Variants in RAPGEF1 observed in about 807,000 individuals in gnomAD.
RAPGEF1 encodes the protein Rap guanine nucleotide exchange factor 1.
Under a neutral mutation model 143.3 loss-of-function variants are expected in RAPGEF1, and 33 were observed. The observed-to-expected ratio is 0.23, with a 90% CI of 0.17 to 0.31. The LOEUF (loss-of-function observed/expected upper bound fraction) is 0.31. Among genes scored for constraint, RAPGEF1 ranks in the 10% least tolerant of loss-of-function variants. The probability of loss-of-function intolerance (pLI) is 1.00; values close to 1 mark genes in which losing one functional copy is unlikely to be tolerated. For synonymous variants in RAPGEF1, 629 were observed against 676.5 expected (o/e 0.93, Z 1.09); for missense variants, 1,199 against 1,645.4 (o/e 0.73, Z 4.69).
At chr9:131,682,512 C>A (rs752509088) in intron 1 of RAPGEF1, among the ~76,000 whole-genome samples, 1 of 152,182 alleles carries the variant, frequency 6.6e-6, no homozygotes, top group Non-Finnish European at 1.5e-5. Flanking sequence ...ATGATTACTT[C>A]TAGGAAGGTC....
intron 1 of RAPGEF1, among the ~76,000 whole-genome samples, chr9:131,659,224 T>C (rs1973338840): frequency 6.6e-6 from 1 of 152,218 alleles, no homozygotes; most frequent in Non-Finnish European, 1.5e-5. Flanking sequence ...GGATTTCCAA[T>C]TTTTTAAAAG....
chr9:131,581,841 C>T (rs1203218341), intron 25 of RAPGEF1, among the ~76,000 whole-genome samples: 2 of 152,194 alleles, frequency 1.3e-5, no homozygotes, highest in African/African-American at 4.8e-5. Context: ...AGATGTAGAG[C>T]CACAGTGGGA....
chr9:131,579,694 G>T, intron 26 of RAPGEF1, 47 bp from the exon 27 acceptor site: 1 of 1,586,830 alleles, frequency 6.3e-7, no homozygotes, highest in South Asian at 1.1e-5. Context: ...GTGTGGGCTG[G>T]ATGGCCCGAT....
At chr9:131,600,064 C>T (rs1209043424) in intron 15 of RAPGEF1, among the ~76,000 whole-genome samples, 8 of 151,746 alleles carry the variant, frequency 5.3e-5, no homozygotes, top group South Asian at 2.1e-4. Context: ...TGCAGTGAGC[C>T]GAGATCGCAC....
chr9:131,594,738 G>A (rs527417054), intron 17 of RAPGEF1, among the ~76,000 whole-genome samples: 2 of 152,288 alleles, frequency 1.3e-5, no homozygotes, highest in East Asian at 3.9e-4. Flanking sequence ...AGCTCCCACC[G>A]GCACGGAGCG....
At position 131,602,247 on chromosome 9, in the gene RAPGEF1, A is replaced by C. The variant is rs374833656; in HGVS notation, c.2413-98T>G. ...TGCCTGCAAGTGGCTGTGGAGTGCA[A>C]GTTCCTATGGAGCAATCTCAGATGT... On this transcript the variant is annotated intron_variant, in intron 14 of 26. Coordinates refer to ENST00000683357, the MANE Select transcript of RAPGEF1 (RefSeq NM_001377935.1). 2.5e-5 allele frequency: 20 copies of C among 792,422 alleles called. No individual in the cohort carries two copies. In the East Asian group the frequency reaches 5.1e-4, roughly 20 times the overall value. The allele number at this position is 792,422 out of a possible 1,614,324, so 49.1% of individuals were successfully genotyped here.
intron 16 of RAPGEF1, among the ~76,000 whole-genome samples, chr9:131,597,087 G>A (rs1435240371): frequency 6.6e-6 from 1 of 152,194 alleles, no homozygotes; most frequent in Non-Finnish European, 1.5e-5. Flanking sequence ...AGGAACAGAG[G>A]TCCAGGACAA....
At chr9:131,630,139 C>A (rs1964437221) in intron 6 of RAPGEF1, 97 bp downstream of exon 6, 1 of 1,124,824 alleles carries the variant, frequency 8.9e-7, no homozygotes, top group Non-Finnish European at 1.3e-6. Flanking sequence ...CAGCAGCCCA[C>A]CCTCATGCTG....
chr9:131,603,901 G>A, intron 14 of RAPGEF1, 60 bp downstream of exon 14: 1 of 1,092,068 alleles, frequency 9.2e-7, no homozygotes, highest in Non-Finnish European at 1.2e-6. Context: ...GCCTCGGGAG[G>A]GCAGAGCCCA....
chr9:131,648,429 A>G (rs980704828), intron 3 of RAPGEF1, among the ~76,000 whole-genome samples: 1 of 152,108 alleles, frequency 6.6e-6, no homozygotes, highest in Admixed American at 6.6e-5. Context: ...CAAAAACAAC[A>G]AAAAGGGGGG....
chr9:131,713,719 G>A (rs114375457), intron 1 of RAPGEF1, among the ~76,000 whole-genome samples: 1 of 152,264 alleles, frequency 6.6e-6, no homozygotes, highest in African/African-American at 2.4e-5. Flanking sequence ...AGCCCAGGAG[G>A]TCAAGACTGC....
At chr9:131,724,759 T>C (rs1023124778) in intron 1 of RAPGEF1, among the ~76,000 whole-genome samples, 1 of 150,842 alleles carries the variant, frequency 6.6e-6, no homozygotes, top group African/African-American at 2.5e-5. Flanking sequence ...TACTGAAATC[T>C]GCCACAGGAA....
chr9:131,617,442 G>A (rs922146375), intron 12 of RAPGEF1, among the ~76,000 whole-genome samples: 7 of 152,228 alleles, frequency 4.6e-5, no homozygotes, highest in East Asian at 1.9e-4. Flanking sequence ...CATCTTGGTC[G>A]AAGGCACTGG....
Position 131,604,067 on chromosome 9 carries a change from G to A in RAPGEF1, c.2320-14C>T, listed in dbSNP as rs759792863. On this transcript the variant is annotated splice_polypyrimidine_tract_variant and intron_variant, in intron 13 of 26. Coordinates refer to ENST00000683357, the MANE Select transcript of RAPGEF1 (RefSeq NM_001377935.1). ...GGCGTTTTCACTCTGGGGGAGACAG[G>A]ACGAGAGGAAAGACACATGGGCCAG... 25 of 1,311,140 alleles carry A rather than the reference G, an allele frequency of 1.9e-5. No individual in the cohort carries two copies. Among genetic ancestry groups the A allele is most frequent in the African/African-American group, 3.0e-5 (2 of 66,448 alleles). 81.2% of individuals were successfully genotyped at this position (1,311,140 alleles called of 1,614,324 possible).
At position 131,628,474 on chromosome 9, in the gene RAPGEF1, C is replaced by G; in HGVS notation, c.1017+75G>C. 6.4e-7 allele frequency: 1 copy of G among 1,562,456 alleles called. No homozygotes were observed. Among genetic ancestry groups the G allele is most frequent in the Non-Finnish European group, 8.7e-7 (1 of 1,149,116 alleles). On this transcript the variant is annotated intron_variant, in intron 8 of 26. Coordinates refer to ENST00000683357, the MANE Select transcript of RAPGEF1 (RefSeq NM_001377935.1). The surrounding 1 kb of genome is among the most constrained non-coding windows in gnomAD (Gnocchi z 5.7). ...GCGCCTGAAGACCATGGGTTTCTTT[C>G]AGCTTCAGGAGCCACATCCCTGAGC...
Position 131,580,396 on chromosome 9 carries a change from G to C in RAPGEF1, c.3513-5C>G. On this transcript the variant is annotated splice_polypyrimidine_tract_variant and splice_region_variant and intron_variant, in intron 25 of 26. Coordinates refer to ENST00000683357, the MANE Select transcript of RAPGEF1 (RefSeq NM_001377935.1). The stretch of plus-strand genomic sequence containing the variant: ...AGGTCCTGCAGGATCAGCCCCCTGG[G>C]AGGACGGGTTAGGCAGCCTGTTACT... The C allele has an allele frequency of 6.2e-7, 1 of 1,612,942 alleles. No individual in the cohort carries two copies. The highest frequency in any genetic ancestry group is 8.5e-7 in the Non-Finnish European group (1 of 1,179,294).
At chr9:131,636,204 T>C (rs1029469598) in intron 5 of RAPGEF1, among the ~76,000 whole-genome samples, 2 of 152,390 alleles carry the variant, frequency 1.3e-5, no homozygotes, top group Non-Finnish European at 2.9e-5. Context: ...GTAAGTGCCA[T>C]AGGGCAGGGT....
At position 131,630,287 on chromosome 9, in the gene RAPGEF1, G is replaced by A. The variant is rs777567428; in HGVS notation, c.689C>T (p.Pro230Leu). ...VRLTIEKQGR[P>L]SPTSPVKPSS... ...GGGCTTCACGGGGCTCGTCGGAGAC[G>A]GACGTCCCTGCTTCTCGATGGTGAG... The change falls in exon 6 of 27, where the codon CCG becomes CTG. Residue 230 changes from proline (P) to leucine (L), a missense_variant. Pro to Leu is a moderately conservative substitution (Grantham distance 98, BLOSUM62 -3). Transcript: ENST00000683357. 16 of 1,613,610 alleles carry A rather than the reference G, an allele frequency of 9.9e-6. No homozygotes were observed. The highest frequency in any genetic ancestry group is 4.5e-5 in the East Asian group (2 of 44,864).
At chr9:131,609,898 T>C (rs538561638) in intron 12 of RAPGEF1, among the ~76,000 whole-genome samples, 1 of 152,308 alleles carries the variant, frequency 6.6e-6, no homozygotes, top group South Asian at 2.1e-4. Context: ...AAGATCTTTT[T>C]CTTCCTTTCT....
Sources: allele counts gnomAD v4.1 joint callset (sites outside exome capture counted in the v4.1 genomes callset), GRCh38; gene constraint gnomAD v4.1.1; non-coding constraint Gnocchi (gnomAD v3.1); transcripts MANE v1.5; gene names NCBI Gene and HGNC (gene_info 2026-07-23, HGNC 2026-07-21).